ARHGEF3: variants seen among roughly 807,000 people sequenced by gnomAD.
ARHGEF3 encodes the protein Rho guanine nucleotide exchange factor 3.
ARHGEF3 carries 28 observed loss-of-function variants against 63.2 expected under a neutral mutation model. That is an observed-to-expected ratio of 0.44 (90% confidence interval 0.33 to 0.61). ARHGEF3 has a LOEUF of 0.61. Ranked by LOEUF, ARHGEF3 falls within the 20% of genes least tolerant of loss-of-function variation. ARHGEF3 has a pLI of 0.03. For missense variants in ARHGEF3, 533 were observed against 659.3 expected (o/e 0.81, Z 2.10); for synonymous variants, 266 against 254.2 (o/e 1.05, Z -0.44).
At chr3:57,069,282 C>A (rs1453625373) in intron 1 of ARHGEF3, among the ~76,000 whole-genome samples, 1 of 151,794 alleles carries the variant, frequency 6.6e-6, no homozygotes, top group African/African-American at 2.4e-5. Context: ...TTCTCTTCTC[C>A]CAGAAACAAA....
chr3:56,982,280 G>A (rs561416943), intron 2 of ARHGEF3, among the ~76,000 whole-genome samples: 6 of 151,782 alleles, frequency 4.0e-5, no homozygotes, highest in South Asian at 4.2e-4. Flanking sequence ...GTAAGCAAGC[G>A]TACATTCTAT....
intron 1 of ARHGEF3, among the ~76,000 whole-genome samples, chr3:56,794,061 A>C (rs2037221177): frequency 6.6e-6 from 1 of 152,186 alleles, no homozygotes; most frequent in African/African-American, 2.4e-5. Flanking sequence ...AGTTAAGGGA[A>C]CCAGGAATAC....
At chr3:56,767,003 T>G (rs2035739171) in intron 2 of ARHGEF3, among the ~76,000 whole-genome samples, 1 of 152,200 alleles carries the variant, frequency 6.6e-6, no homozygotes, top group Non-Finnish European at 1.5e-5. Flanking sequence ...AAATGCTTTA[T>G]GAGTCCATTA....
At chr3:56,805,222 A>G (rs1040530314), upstream of ARHGEF3, among the ~76,000 whole-genome samples, 1 of 152,056 alleles carries the variant, frequency 6.6e-6, no homozygotes, top group African/African-American at 2.4e-5. Flanking sequence ...ACAGTAAACA[A>G]ACCCTAAGAA....
In ARHGEF3 at chr3:56,740,003, G is replaced by A. The variant is rs1331116067; in HGVS notation, c.871-2648C>T. 5.3e-5 allele frequency among the ~76,000 whole-genome samples: 8 copies of A among 151,624 alleles called. No homozygotes were observed. In the East Asian group the frequency reaches 1.5e-3, roughly 29 times the overall value. ...CAACCTCCGCCTCCTGGATTCAAGC[G>A]ATTCTCCTGCCTCAGCCTCCTGAGT... On this transcript the variant is annotated intron_variant, in intron 7 of 9. Coordinates refer to ENST00000296315, the MANE Select transcript of ARHGEF3 (RefSeq NM_019555.3).
chr3:57,048,653 G>A (rs1251145180), intron 1 of ARHGEF3, among the ~76,000 whole-genome samples: 1 of 152,136 alleles, frequency 6.6e-6, no homozygotes, highest in Non-Finnish European at 1.5e-5. Flanking sequence ...AGGCTGGCTG[G>A]GAGAATGAGA....
chr3:56,983,930 G>A (rs1438490967), intron 2 of ARHGEF3, among the ~76,000 whole-genome samples: 1 of 97,208 alleles, frequency 1.0e-5, no homozygotes, highest in East Asian at 3.0e-4. Flanking sequence ...GCGAGACTCC[G>A]TCTCGAGAAA....
intron 3 of ARHGEF3, among the ~76,000 whole-genome samples, chr3:56,937,558 T>G (rs570854973): frequency 6.6e-6 from 1 of 152,286 alleles, no homozygotes; most frequent in African/African-American, 2.4e-5. Context: ...GCACAATAAA[T>G]AAGAATCATG....
intron 4 of ARHGEF3, among the ~76,000 whole-genome samples, chr3:56,874,993 A>G (rs1177469005): frequency 6.6e-6 from 1 of 152,230 alleles, no homozygotes; most frequent in Non-Finnish European, 1.5e-5. Context: ...TTAGCCTGCT[A>G]TAGTATGCTA....
intron 4 of ARHGEF3, among the ~76,000 whole-genome samples, chr3:56,843,205 G>A (rs1275256765): frequency 6.6e-6 from 1 of 151,988 alleles, no homozygotes; most frequent in Non-Finnish European, 1.5e-5. Context: ...ATTGTTCTGT[G>A]GTGGCTTAGC....
intron 3 of ARHGEF3, among the ~76,000 whole-genome samples, chr3:56,943,099 A>G (rs1699269579): frequency 6.6e-6 from 1 of 152,254 alleles, no homozygotes. Flanking sequence ...ATGATAATCG[A>G]CAAAGGTGGT....
chr3:56,819,695 T>G (rs2038402184), intron 4 of ARHGEF3, among the ~76,000 whole-genome samples: 1 of 151,566 alleles, frequency 6.6e-6, no homozygotes, highest in East Asian at 1.9e-4. Context: ...TACTTATTTA[T>G]TTTTTGTAGA....
At chr3:56,740,877 G>A (rs911235794) in intron 7 of ARHGEF3, among the ~76,000 whole-genome samples, 2 of 152,232 alleles carry the variant, frequency 1.3e-5, no homozygotes, top group Non-Finnish European at 2.9e-5. Flanking sequence ...ATGCGCTATA[G>A]TCATAAATAT....
At chr3:57,042,929 C>T (rs1398280605) in intron 1 of ARHGEF3, among the ~76,000 whole-genome samples, 4 of 151,154 alleles carry the variant, frequency 2.6e-5, no homozygotes, top group Admixed American at 6.6e-5. Context: ...GATCTCCTGA[C>T]CTCGTGATCT....
intron 2 of ARHGEF3, among the ~76,000 whole-genome samples, chr3:57,033,608 T>C (rs554904324): frequency 1.7e-4 from 26 of 152,122 alleles, no homozygotes; most frequent in South Asian, 4.1e-4. Context: ...AACAAAGTTA[T>C]GGAAGAAAAT....
At chr3:56,826,842 A>C (rs2038731498) in intron 4 of ARHGEF3, among the ~76,000 whole-genome samples, 1 of 152,214 alleles carries the variant, frequency 6.6e-6, no homozygotes. Context: ...CTTAAATGAA[A>C]ATTCACTACC....
chr3:56,747,422 T>C (rs544368916), intron 6 of ARHGEF3, among the ~76,000 whole-genome samples: 1 of 152,322 alleles, frequency 6.6e-6, no homozygotes, highest in Admixed American at 6.5e-5. Flanking sequence ...AAAGGCTATC[T>C]GGTTCAGTCA....
intron 2 of ARHGEF3, 150 bp from the exon 3 acceptor site, chr3:56,755,301 C>T (rs757417440): frequency 3.4e-6 from 3 of 879,842 alleles, no homozygotes. Flanking sequence ...GGGGCATTGT[C>T]TTGAGCCTAC....
chr3:57,035,115 C>T, exon 2 of ARHGEF3: 2 of 1,548,614 alleles, frequency 1.3e-6, no homozygotes, highest in South Asian at 1.2e-5. Context: ...CATTCCTCTA[C>T]AGCTGCATTG....
Sources: gnomAD v4.1 joint callset for allele counts (sites outside exome capture counted in the v4.1 genomes callset) on GRCh38, gnomAD v4.1.1 for gene constraint, MANE v1.5 for transcripts, NCBI Gene and HGNC (gene_info 2026-07-23, HGNC 2026-07-21) for gene names.